The following LRRTM4 variants were observed in gnomAD, a reference collection of about 807,000 sequenced individuals.
LRRTM4 encodes leucine-rich repeat transmembrane neuronal protein 4.
Under a neutral mutation model 47.6 loss-of-function variants are expected in LRRTM4, and 25 were observed. The observed-to-expected ratio is 0.53, with a 90% CI of 0.38 to 0.73. LRRTM4 has a LOEUF of 0.73. LRRTM4 is among the 30% of genes least tolerant of loss of function. The pLI, the probability that LRRTM4 is intolerant of heterozygous loss-of-function variation, is 0.00. For synonymous variants in LRRTM4, 311 were observed against 269.5 expected (o/e 1.15, Z -1.51); for missense variants, 638 against 713.4 (o/e 0.89, Z 1.20).
chr2:76,924,902 C>A (rs943316317), intron 3 of LRRTM4, among the ~76,000 whole-genome samples: 9 of 152,092 alleles, frequency 5.9e-5, no homozygotes, highest in Admixed American at 5.2e-4. Flanking sequence ...TACCTCTTCA[C>A]GGTAACTTTA....
chr2:76,972,465 T>C (rs564419250), intron 3 of LRRTM4, among the ~76,000 whole-genome samples: 1 of 141,584 alleles, frequency 7.1e-6, no homozygotes, highest in East Asian at 2.2e-4. Context: ...TTGCCCAGGA[T>C]GGAGTGCAGT....
At chr2:76,921,627 A>G (rs1046152913) in intron 3 of LRRTM4, among the ~76,000 whole-genome samples, 3 of 152,018 alleles carry the variant, frequency 2.0e-5, no homozygotes, top group African/African-American at 4.8e-5. Context: ...TTTTTATACC[A>G]TTAAGGACAT....
chr2:77,522,053 G>C (rs1009426994), intron 1 of LRRTM4, 56 bp downstream of exon 1: 4 of 713,716 alleles, frequency 5.6e-6, no homozygotes, highest in Non-Finnish European at 1.0e-5. Context: ...AGCCCATCTC[G>C]GAGGTAACCA....
intron 3 of LRRTM4, among the ~76,000 whole-genome samples, chr2:76,811,680 T>C (rs1413356847): frequency 1.3e-5 from 2 of 152,212 alleles, no homozygotes; most frequent in Non-Finnish European, 2.9e-5. Context: ...GCTGACTTCA[T>C]GTATGTATGA....
intron 2 of LRRTM4, among the ~76,000 whole-genome samples, chr2:77,520,627 A>G (rs1275365508): frequency 6.6e-6 from 1 of 152,152 alleles, no homozygotes; most frequent in Non-Finnish European, 1.5e-5. Flanking sequence ...ATTTGCCTAA[A>G]AAGCAAAATA....
At chr2:76,790,601 G>C (rs1674920222) in intron 3 of LRRTM4, among the ~76,000 whole-genome samples, 1 of 152,068 alleles carries the variant, frequency 6.6e-6, no homozygotes, top group Admixed American at 6.6e-5. Context: ...ATAAGCATTA[G>C]CTATTAATAA....
intron 3 of LRRTM4, among the ~76,000 whole-genome samples, chr2:77,359,300 A>G (rs1672090560): frequency 6.6e-6 from 1 of 152,124 alleles, no homozygotes; most frequent in African/African-American, 2.4e-5. Context: ...CCCCCAACCC[A>G]AACTAATTAT....
At chr2:77,008,701 G>T (rs1237708422) in intron 3 of LRRTM4, among the ~76,000 whole-genome samples, 1 of 152,094 alleles carries the variant, frequency 6.6e-6, no homozygotes, top group Non-Finnish European at 1.5e-5. Context: ...GTCCAATCAT[G>T]TACATCAACT....
At chr2:77,411,175 G>A (rs1573377463) in intron 3 of LRRTM4, among the ~76,000 whole-genome samples, 1 of 152,122 alleles carries the variant, frequency 6.6e-6, no homozygotes, top group East Asian at 1.9e-4. Context: ...TTCATTTTCC[G>A]TACCTTCGCC....
At chr2:77,418,112 T>C (rs963051841) in intron 3 of LRRTM4, among the ~76,000 whole-genome samples, 10 of 152,082 alleles carry the variant, frequency 6.6e-5, no homozygotes, top group Admixed American at 6.5e-4. Context: ...AAGATGTAAA[T>C]AGCACACAAT....
chr2:76,767,227 C>T (rs1573068030), intron 3 of LRRTM4, among the ~76,000 whole-genome samples: 1 of 152,286 alleles, frequency 6.6e-6, no homozygotes, highest in East Asian at 1.9e-4. Flanking sequence ...GCACATGCAG[C>T]AATTTATATG....
At chr2:77,170,945 T>TA (rs1673031102) in intron 3 of LRRTM4, among the ~76,000 whole-genome samples, 1 of 71,234 alleles carries the variant, frequency 1.4e-5, no homozygotes, top group South Asian at 4.3e-4. Flanking sequence ...TATTTATGTA[T>TA]TATATGTATT....
At chr2:77,373,087 A>AT (rs199497815) in intron 3 of LRRTM4, among the ~76,000 whole-genome samples, 6,418 of 137,892 alleles carry the variant, frequency 0.047, 167 homozygotes, top group African/African-American at 0.078. Flanking sequence ...ATTAAAAAAA[A>AT]AATATATATA....
chr2:77,032,872 T>C (rs1042364584), intron 3 of LRRTM4, among the ~76,000 whole-genome samples: 2 of 152,142 alleles, frequency 1.3e-5, no homozygotes, highest in African/African-American at 4.8e-5. Flanking sequence ...GAGTTTGTAA[T>C]GTGCAAGGTT....
At chr2:77,073,754 T>C (rs916801218) in intron 3 of LRRTM4, among the ~76,000 whole-genome samples, 1 of 151,976 alleles carries the variant, frequency 6.6e-6, no homozygotes, top group Middle Eastern at 3.2e-3. Context: ...TGTTTTTTTC[T>C]GTCTCTCTCT....
At chr2:77,252,066 T>C (rs1226907174) in intron 3 of LRRTM4, among the ~76,000 whole-genome samples, 3 of 152,194 alleles carry the variant, frequency 2.0e-5, no homozygotes, top group Non-Finnish European at 4.4e-5. Flanking sequence ...AAAGATATCA[T>C]TGGTTCTGAT....
intron 3 of LRRTM4, among the ~76,000 whole-genome samples, chr2:77,246,862 T>C (rs921555641): frequency 6.6e-6 from 1 of 152,102 alleles, no homozygotes; most frequent in Non-Finnish European, 1.5e-5. Flanking sequence ...TATAGACATA[T>C]TATTATCATT....
At chr2:76,773,006 T>C (rs1451740985) in intron 3 of LRRTM4, 1 of 152,176 alleles carries the variant, frequency 6.6e-6, no homozygotes, top group Non-Finnish European at 1.5e-5. Flanking sequence ...AGTCTGGTAC[T>C]ATCTATGGTT....
At chr2:76,778,172 T>C (rs1173507691) in intron 3 of LRRTM4, among the ~76,000 whole-genome samples, 2 of 142,862 alleles carry the variant, frequency 1.4e-5, no homozygotes, top group African/African-American at 2.7e-5. Context: ...CAGTATTTTA[T>C]TGAGGATTTT....
Sources: allele counts gnomAD v4.1 joint callset (sites outside exome capture counted in the v4.1 genomes callset), GRCh38; gene constraint gnomAD v4.1.1; transcripts MANE v1.5; gene names NCBI Gene and HGNC (gene_info 2026-07-23, HGNC 2026-07-21).